Variants in FBXL5 observed in about 807,000 individuals in gnomAD.
The protein encoded by FBXL5 is F-box and leucine rich repeat protein 5.
In FBXL5, 26 loss-of-function variants were observed where a neutral mutation model predicts 78.3. That is an observed-to-expected ratio of 0.33 (90% confidence interval 0.24 to 0.46). FBXL5 has a LOEUF of 0.46. Ranked by LOEUF, FBXL5 falls within the 20% of genes least tolerant of loss-of-function variation. The pLI, the probability that FBXL5 is intolerant of heterozygous loss-of-function variation, is 1.00. For missense variants in FBXL5, 710 were observed against 829.2 expected (o/e 0.86, Z 1.77); for synonymous variants, 295 against 282.5 (o/e 1.04, Z -0.45).
chr4:15,624,649 A>T lies in FBXL5; in HGVS notation c.1850+603T>A, dbSNP rs192818138. 1.3e-3 allele frequency among the ~76,000 whole-genome samples: 195 copies of T among 147,090 alleles called. 1 individual carries two copies. In the East Asian group the frequency reaches 0.035, roughly 26 times the overall value. Reference sequence around the variant, plus strand: ...TAATCTGCTGAAGATTATGCTTATTAAAAAAAAAAACAGAAAAGAAAATGT... The same window carrying T: ...TAATCTGCTGAAGATTATGCTTATTTAAAAAAAAAACAGAAAAGAAAATGT... On this transcript the variant is annotated intron_variant, in intron 9 of 10. Coordinates refer to ENST00000341285, the MANE Select transcript of FBXL5 (RefSeq NM_012161.4).
At chr4:15,656,199 G>T (rs778893861), upstream of FBXL5, 4 of 456,252 alleles carry the variant, frequency 8.8e-6, no homozygotes, top group South Asian at 6.2e-5. Context: ...ATTTTAAGCG[G>T]AGGTTCGGAG....
In FBXL5 at chr4:15,646,644, C is replaced by T. The variant is rs147455303; in HGVS notation, c.85-1936G>A. Among the ~76,000 whole-genome samples, 803 of 151,908 alleles carry T rather than the reference C, an allele frequency of 5.3e-3. 7 individuals are homozygous for T. The highest frequency in any genetic ancestry group is 0.018 in the African/African-American group (758 of 41,416). ...ATGTGCCATGTTGGTGTGCTGCACC[C>T]ATTAACCCGTCATCTAACATTAGGT... On this transcript the variant is annotated intron_variant, in intron 1 of 10. Coordinates refer to ENST00000341285, the MANE Select transcript of FBXL5 (RefSeq NM_012161.4).
chr4:15,640,432 A>T (rs1299307510), intron 3 of FBXL5, among the ~76,000 whole-genome samples: 1 of 151,530 alleles, frequency 6.6e-6, no homozygotes, highest in African/African-American at 2.4e-5. Context: ...CTTTAAACAT[A>T]GCATGAAAAC....
intron 1 of FBXL5, among the ~76,000 whole-genome samples, chr4:15,652,181 A>C (rs1346421088): frequency 1.3e-5 from 2 of 152,232 alleles, no homozygotes; most frequent in East Asian, 3.9e-4. Flanking sequence ...TGGAAAAAGG[A>C]TGTCATTCAA....
chr4:15,675,840 C>A (rs944691581), intron 1 of FBXL5, among the ~76,000 whole-genome samples: 1 of 152,138 alleles, frequency 6.6e-6, no homozygotes, highest in African/African-American at 2.4e-5. Context: ...GCCTCGGCCT[C>A]CCAAAGTGCT....
chr4:15,647,955 G>C (rs1471221457), intron 1 of FBXL5, among the ~76,000 whole-genome samples: 1 of 152,214 alleles, frequency 6.6e-6, no homozygotes, highest in African/African-American at 2.4e-5. Flanking sequence ...CTGGGCTCAA[G>C]TGATCCTCCT....
intron 10 of FBXL5, 34 bp from the exon 11 acceptor site, chr4:15,605,833 T>A: frequency 6.6e-7 from 1 of 1,514,646 alleles, no homozygotes; most frequent in Non-Finnish European, 9.1e-7. Context: ...AAAGGAGGAA[T>A]TTCTTAGAGA....
intron 3 of FBXL5, among the ~76,000 whole-genome samples, chr4:15,639,295 C>T (rs186298649): frequency 5.9e-5 from 9 of 152,364 alleles, no homozygotes; most frequent in Non-Finnish European, 7.3e-5. Flanking sequence ...CTTAATCATT[C>T]TGTTAGATGT....
intron 5 of FBXL5, among the ~76,000 whole-genome samples, chr4:15,634,798 C>A (rs1166354993): frequency 5.3e-5 from 8 of 152,088 alleles, no homozygotes; most frequent in Non-Finnish European, 1.2e-4. Context: ...GAAAGCACAG[C>A]ATTATCACAT....
chr4:15,655,381 AT>A, upstream of FBXL5: 2 of 1,079,320 alleles, frequency 1.9e-6, no homozygotes, highest in Non-Finnish European at 2.3e-6. Context: ...CCCCTTGCGC[AT>A]GCGCCCGCCC....
At chr4:15,677,793 T>C (rs565313460) in intron 1 of FBXL5, among the ~76,000 whole-genome samples, 4 of 152,322 alleles carry the variant, frequency 2.6e-5, no homozygotes, top group African/African-American at 4.8e-5. Context: ...TGAGTCATTC[T>C]AGCAAATTAT....
chr4:15,627,970 C>G lies in FBXL5; in HGVS notation c.956G>C (p.Gly319Ala), dbSNP rs1174249112. The G allele has an allele frequency of 1.2e-6, 2 of 1,613,690 alleles. No homozygotes were observed. Among genetic ancestry groups the G allele is most frequent in the Admixed American group, 1.7e-5 (1 of 60,004 alleles). Reference protein sequence around the residue: ...IAQMEKRLLHGLIHNVLPYVG... With the variant: ...IAQMEKRLLHALIHNVLPYVG... ...ATATGGTAGAACGTTATGAATTAAG[C>G]CATGGAGTAAACGTTTTTCCATTTG... Residue 319 changes from glycine (G) to alanine (A), a missense_variant, in exon 7 of 11, where the codon GGC becomes GCC. By Grantham distance (60) the Gly-to-Ala change is moderately conservative (BLOSUM62 0). Transcript: ENST00000341285.
intron 1 of FBXL5, among the ~76,000 whole-genome samples, chr4:15,648,779 G>A (rs1325755934): frequency 6.6e-6 from 1 of 152,024 alleles, no homozygotes; most frequent in African/African-American, 2.4e-5. Context: ...TACGTTCTGG[G>A]GATATAAGGT....
intron 5 of FBXL5, among the ~76,000 whole-genome samples, chr4:15,633,557 T>A (rs995273459): frequency 6.6e-6 from 1 of 152,184 alleles, no homozygotes; most frequent in African/African-American, 2.4e-5. Context: ...AACTAAATTA[T>A]ATGATCATGA....
intron 1 of FBXL5, among the ~76,000 whole-genome samples, chr4:15,670,529 T>C (rs1180358037): frequency 6.6e-6 from 1 of 152,208 alleles, no homozygotes; most frequent in Non-Finnish European, 1.5e-5. Context: ...AGGCATAAAA[T>C]TGGATCTTGT....
intron 9 of FBXL5, among the ~76,000 whole-genome samples, chr4:15,621,269 C>T (rs1712451805): frequency 6.6e-6 from 1 of 152,104 alleles, no homozygotes; most frequent in South Asian, 2.1e-4. Context: ...TAGTAGGATA[C>T]AAAATCAACA....
rs777810529 is a variant in FBXL5 at position 15,628,023 on chromosome 4, C to T, written c.903G>A (p.Ala301=). 16 of 1,613,222 alleles carry T rather than the reference C, an allele frequency of 9.9e-6. No homozygotes were observed. The highest frequency in any genetic ancestry group is 1.4e-5 in the Non-Finnish European group (16 of 1,179,764). The change falls in exon 7 of 11, where the codon GCG becomes GCA. Residue 301 remains alanine, a synonymous_variant. Coordinates refer to ENST00000341285, the MANE Select transcript of FBXL5 (RefSeq NM_012161.4). ...CAATGCTGATAGCAATTGATTCCTC[C>T]GCAGACTCTTCTGTAAAATGAATTC... ...DADIDESEES[A]EESIAISIAQ...
intron 1 of FBXL5, among the ~76,000 whole-genome samples, chr4:15,654,255 G>A (rs1716536506): frequency 1.3e-5 from 2 of 152,186 alleles, no homozygotes; most frequent in Admixed American, 6.5e-5. Flanking sequence ...GCTTTATTTA[G>A]TTGGATCATT....
rs781590794 is a variant in FBXL5, at chr4:15,636,671, C to G, written c.589G>C (p.Glu197Gln). The G allele has an allele frequency of 1.9e-6, 3 of 1,544,282 alleles. No individual in the cohort carries two copies. The African/African-American group carries it at 4.1e-5, about 21-fold the overall frequency. ...SVDEKSDKEA[E>Q]VSEHSTGITH... is the part of the protein sequence containing the mutation. ...ATACCTGTGGAGTGTTCTGACACTT[C>G]TGCTTCTGAAATAAAAAAGAAAAAC... The change falls in exon 5 of 11, where the codon GAA becomes CAA. Residue 197 changes from glutamate to glutamine, a missense_variant. Glu to Gln is a conservative substitution (Grantham distance 29). This residue lies in a region of FBXL5 where 517 missense variants were observed against 542.9 expected (regional missense o/e 0.95). Coordinates refer to ENST00000341285, the MANE Select transcript of FBXL5 (RefSeq NM_012161.4).
Sources: gnomAD v4.1 joint callset for allele counts (sites outside exome capture counted in the v4.1 genomes callset) on GRCh38, gnomAD v4.1.1 for gene constraint, gnomAD v4.1.1 regional missense constraint, MANE v1.5 for transcripts, NCBI Gene and HGNC (gene_info 2026-07-23, HGNC 2026-07-21) for gene names.